The following STX8 variants were observed in gnomAD, a reference collection of about 807,000 sequenced individuals.
STX8 encodes the protein syntaxin-8.
Under a neutral mutation model 37.5 loss-of-function variants are expected in STX8, and 23 were observed. The ratio of observed to expected loss-of-function variants is 0.61; its 90% CI spans 0.44 to 0.87. STX8 has a LOEUF of 0.87. Among genes scored for constraint, STX8 ranks in the 40% least tolerant of loss-of-function variants. The pLI is 0.00. For missense variants in STX8, 313 were observed against 284.7 expected (o/e 1.10, Z -0.71); for synonymous variants, 115 against 99.1 (o/e 1.16, Z -0.95).
intron 4 of STX8, among the ~76,000 whole-genome samples, chr17:9,534,842 C>T (rs924821930): frequency 6.6e-6 from 1 of 151,776 alleles, no homozygotes; most frequent in Admixed American, 6.6e-5. Context: ...TGTCCTATCA[C>T]ATATTAAAAC....
At chr17:9,431,281 G>C (rs1913963665) in intron 6 of STX8, among the ~76,000 whole-genome samples, 1 of 148,588 alleles carries the variant, frequency 6.7e-6, no homozygotes, top group African/African-American at 2.5e-5. Flanking sequence ...ATGTTGGCCA[G>C]GATGGTCTCG....
chr17:9,271,885 T>TA (rs2142140218), intron 7 of STX8, among the ~76,000 whole-genome samples: 1 of 152,272 alleles, frequency 6.6e-6, no homozygotes, highest in East Asian at 1.9e-4. Flanking sequence ...TATCATCTGT[T>TA]ACCATGATAG....
In STX8 at chr17:9,545,178, A is replaced by C. The variant is rs745755781; in HGVS notation, c.317T>G (p.Leu106Arg). 3 of 1,610,978 alleles carry C rather than the reference A, an allele frequency of 1.9e-6. No homozygotes were observed. The highest frequency in any genetic ancestry group is 2.5e-6 in the Non-Finnish European group (3 of 1,177,278). Residue 106 changes from leucine to arginine, a missense_variant, in exon 4 of 8, where the codon CTA (leucine) becomes CGA (arginine). Transcript: ENST00000306357. ...GTAAATAAAAACATCCTACCTGATT[A>C]GATCTGGTTCGGCACCCTCATTCTT... ...SFKNEGAEPD[L>R]IRSSLMSEEA...
At chr17:9,502,791 T>A (rs1567588779) in intron 5 of STX8, among the ~76,000 whole-genome samples, 1 of 152,106 alleles carries the variant, frequency 6.6e-6, no homozygotes. Flanking sequence ...TACAATGGAA[T>A]ACAAATCTAT....
intron 7 of STX8, among the ~76,000 whole-genome samples, chr17:9,346,839 C>T (rs751133408): frequency 6.6e-6 from 1 of 152,092 alleles, no homozygotes; most frequent in Non-Finnish European, 1.5e-5. Flanking sequence ...AAAGAAATGC[C>T]TCTCCTTGCT....
intron 6 of STX8, among the ~76,000 whole-genome samples, chr17:9,379,120 C>T (rs537940959): frequency 6.6e-6 from 1 of 151,868 alleles, no homozygotes; most frequent in South Asian, 2.1e-4. Flanking sequence ...TGGTGTGCAC[C>T]TGTAATCCCA....
chr17:9,534,161 C>T (rs1461399462), intron 4 of STX8, among the ~76,000 whole-genome samples: 2 of 147,382 alleles, frequency 1.4e-5, no homozygotes, highest in African/African-American at 2.5e-5. Flanking sequence ...TAATAACGGA[C>T]ATTAATTATT....
Position 9,557,526 on chromosome 17 carries a change from A to G in STX8, c.120T>C (p.Leu40=), listed in dbSNP as rs763946538. ...GCAACAAAGCTCTGATTGTCACGGTAAGCTGAAAAGAAAAGAACACATCCT... is the reference window on the plus strand; with the variant it reads ...GCAACAAAGCTCTGATTGTCACGGTGAGCTGAAAAGAAAAGAACACATCCT... ...YERKGEKAPK[L]TVTIRALLQN... is the part of the protein sequence containing the mutation. Residue 40 remains leucine (L), a splice_region_variant and synonymous_variant, in exon 3 of 8, where the codon CTT becomes CTC. Transcript: ENST00000306357. 6 of 1,613,874 alleles carry G rather than the reference A, an allele frequency of 3.7e-6. No homozygotes were observed. The highest frequency in any genetic ancestry group is 5.1e-6 in the Non-Finnish European group (6 of 1,179,810).
At chr17:9,454,887 A>C (rs1905145034) in intron 6 of STX8, among the ~76,000 whole-genome samples, 2 of 151,900 alleles carry the variant, frequency 1.3e-5, no homozygotes, top group African/African-American at 4.8e-5. Flanking sequence ...TACACTCAGG[A>C]ATATATTCAG....
At chr17:9,447,298 T>G (rs1025920874) in intron 6 of STX8, among the ~76,000 whole-genome samples, 7 of 152,234 alleles carry the variant, frequency 4.6e-5, no homozygotes, top group Non-Finnish European at 8.8e-5. Context: ...ACATTTTAAA[T>G]TACAAGAATG....
At chr17:9,311,568 T>C (rs181655608) in intron 7 of STX8, among the ~76,000 whole-genome samples, 1 of 152,204 alleles carries the variant, frequency 6.6e-6, no homozygotes, top group Non-Finnish European at 1.5e-5. Flanking sequence ...GCATCCCTAT[T>C]TGAACTGTGA....
At chr17:9,569,156 G>C (rs980227645) in intron 1 of STX8, among the ~76,000 whole-genome samples, 3 of 152,196 alleles carry the variant, frequency 2.0e-5, no homozygotes, top group Non-Finnish European at 4.4e-5. Context: ...GAAAGCATGT[G>C]GGGGGTCTCC....
intron 4 of STX8, among the ~76,000 whole-genome samples, chr17:9,511,275 CT>C (rs1470734169): frequency 1.3e-5 from 2 of 152,016 alleles, no homozygotes; most frequent in African/African-American, 4.8e-5. Context: ...CAGAATAACC[CT>C]GATATCAAAA....
chr17:9,271,939 G>A (rs1469518402), intron 7 of STX8, among the ~76,000 whole-genome samples: 1 of 152,028 alleles, frequency 6.6e-6, no homozygotes, highest in African/African-American at 2.4e-5. Context: ...ACGGATAATG[G>A]GCCAGGGCTC....
At chr17:9,462,972 C>T (rs1190891958) in intron 6 of STX8, among the ~76,000 whole-genome samples, 2 of 152,168 alleles carry the variant, frequency 1.3e-5, no homozygotes, top group African/African-American at 4.8e-5. Flanking sequence ...ATCTAGGCCA[C>T]AGCCTTATAA....
At position 9,568,438 on chromosome 17, in the gene STX8, G is replaced by A. The variant is rs752524254; in HGVS notation, c.50C>T (p.Ala17Val). The A allele has an allele frequency of 1.2e-6, 2 of 1,612,602 alleles. No homozygotes were observed. The highest frequency in any genetic ancestry group is 1.7e-6 in the Non-Finnish European group (2 of 1,179,840). The part of the protein sequence containing the change: ...FSTYDSTCQI[A>V]QEIAEKIQQR... ...TTGAATTTTCTCAGCAATTTCTTGG[G>A]CAATTTGACAAGTAGAATCGTATGT... Residue 17 changes from alanine (A) to valine (V), a missense_variant, in exon 2 of 8, where the codon GCC becomes GTC. Physicochemically the swap from Ala to Val is moderately conservative, Grantham distance 64 (BLOSUM62 0). Transcript: ENST00000306357.
chr17:9,485,589 TG>T (rs1906554761), intron 6 of STX8, among the ~76,000 whole-genome samples: 1 of 123,754 alleles, frequency 8.1e-6, no homozygotes. Context: ...TTTTGTTTTT[TG>T]GTTTTTTTTT....
intron 6 of STX8, among the ~76,000 whole-genome samples, chr17:9,451,762 C>G (rs1905048024): frequency 6.6e-6 from 1 of 150,420 alleles, no homozygotes; most frequent in Non-Finnish European, 1.5e-5. Context: ...TAAATATATT[C>G]ATATATACAC....
At chr17:9,367,629 C>T (rs145643921) in intron 7 of STX8, among the ~76,000 whole-genome samples, 16 of 152,154 alleles carry the variant, frequency 1.1e-4, no homozygotes. Context: ...TAAACTAAGG[C>T]CCCCAAACCA....
Sources: allele counts gnomAD v4.1 joint callset (sites outside exome capture counted in the v4.1 genomes callset), GRCh38; gene constraint gnomAD v4.1.1; transcripts MANE v1.5; gene names NCBI Gene and HGNC (gene_info 2026-07-23, HGNC 2026-07-21).